The following CLIP2 variants were observed in gnomAD, a reference collection of about 807,000 sequenced individuals.
The protein encoded by CLIP2 is CAP-Gly domain containing linker protein 2.
CLIP2 carries 41 observed loss-of-function variants against 111.7 expected under a neutral mutation model. The observed-to-expected ratio is 0.37, with a 90% CI of 0.29 to 0.48. The LOEUF is 0.48. CLIP2 is among the 20% of genes least tolerant of loss of function. The probability of loss-of-function intolerance (pLI) is 0.99; values close to 1 mark genes in which losing one functional copy is unlikely to be tolerated. For synonymous variants in CLIP2, 660 were observed against 644.2 expected, an observed-to-expected ratio of 1.02 and a Z score of -0.37; for missense variants, 1,160 against 1,422.1, an observed-to-expected ratio of 0.82 and a Z score of 2.96.
intron 2 of CLIP2, among the ~76,000 whole-genome samples, chr7:74,321,280 C>G (rs1788944247): frequency 6.6e-6 from 1 of 152,042 alleles, no homozygotes; most frequent in South Asian, 2.1e-4. Context: ...ATCCTTTAAC[C>G]TTCTCCCTTC....
At chr7:74,351,602 A>AGGAGGGCAGATCACCTGAGGTC (rs1790000227) in intron 3 of CLIP2, among the ~76,000 whole-genome samples, 3 of 151,836 alleles carry the variant, frequency 2.0e-5, no homozygotes, top group Non-Finnish European at 4.4e-5. Context: ...TTGGGAGGCT[A>AGGAGGGCAGATCACCTGAGGTC]AGGAGGGCAG....
intron 1 of CLIP2, among the ~76,000 whole-genome samples, chr7:74,307,822 G>A (rs934294993): frequency 1.3e-4 from 20 of 152,288 alleles, no homozygotes; most frequent in African/African-American, 3.8e-4. Context: ...AGGCTGCTGG[G>A]GGGTGGTTCA....
chr7:74,293,906 C>A (rs1420685000), intron 1 of CLIP2, among the ~76,000 whole-genome samples: 1 of 151,648 alleles, frequency 6.6e-6, no homozygotes, highest in Non-Finnish European at 1.5e-5. Flanking sequence ...CAGCGTGGGA[C>A]TCGGGCTTTT....
rs1790461823 is a variant in CLIP2, at chr7:74,365,898, CG to C, written c.1380+1584del. ...CCTCCCAAGTAGCTAGGACTACAGG[CG>C]TGTGCCACCACACCCAGCTAATTTT... On this transcript the variant is annotated intron_variant, in intron 8 of 16. Transcript: ENST00000223398. Among the ~76,000 whole-genome samples the C allele has an allele frequency of 4.6e-5, 7 of 152,164 alleles. 1 individual carries two copies. Among genetic ancestry groups the C allele is most frequent in the Admixed American group, 4.6e-4 (7 of 15,262 alleles).
chr7:74,352,450 A>G (rs1790031396), intron 3 of CLIP2, among the ~76,000 whole-genome samples: 1 of 151,844 alleles, frequency 6.6e-6, no homozygotes, highest in Admixed American at 6.6e-5. Flanking sequence ...ACAAAAACAA[A>G]AACAAAAAAA....
intron 1 of CLIP2, among the ~76,000 whole-genome samples, chr7:74,309,113 C>A (rs1409077226): frequency 6.6e-6 from 1 of 151,982 alleles, no homozygotes; most frequent in African/African-American, 2.4e-5. Context: ...CAGCAATTCA[C>A]CCACCTCGGC....
At chr7:74,339,886 A>G (rs1317572352) in intron 3 of CLIP2, among the ~76,000 whole-genome samples, 1 of 151,552 alleles carries the variant, frequency 6.6e-6, no homozygotes, top group Non-Finnish European at 1.5e-5. Context: ...CCAGGAGTTC[A>G]AGACCAGCCT....
intron 3 of CLIP2, among the ~76,000 whole-genome samples, chr7:74,351,449 GAATAAAA>G (rs1789995158): frequency 7.7e-6 from 1 of 129,344 alleles, no homozygotes; most frequent in Non-Finnish European, 1.6e-5. Flanking sequence ...AAAAAAAAAA[GAATAAAA>G]CATTTTCAGA....
intron 2 of CLIP2, among the ~76,000 whole-genome samples, chr7:74,329,753 C>T (rs1179166318): frequency 6.8e-6 from 1 of 147,868 alleles, no homozygotes; most frequent in African/African-American, 2.5e-5. Context: ...TGCAAGGTCC[C>T]TCTTGGTTAT....
rs1364845530 is a variant in CLIP2, at chr7:74,376,818, C to T, written c.2417C>T (p.Thr806Ile). Residue 806 changes from threonine (T) to isoleucine (I), a missense_variant, in exon 10 of 17, where the codon ACC becomes ATC. Thr to Ile is a moderately conservative substitution (Grantham distance 89). Around this residue, in one of 5 missense-constraint regions of CLIP2, gnomAD observed 676 missense variants for 777.8 expected, o/e 0.87. Coordinates refer to ENST00000223398, the MANE Select transcript of CLIP2 (RefSeq NM_003388.5). This position sits in a 1 kb window ranked among gnomAD's most constrained non-coding sequence, Gnocchi z 7.1. ...GAGGCCCTGTGCTCCTCCCAGCACA[C>T]CCACGTAGGCGCCTGCCCCTCCTGC... is the stretch of plus-strand genomic sequence containing the variant. ...AVEALCSSQH[T>I]HMIESNDISE... 1.3e-6 allele frequency: 2 copies of T among 1,579,344 alleles called. No individual in the cohort carries two copies. The highest frequency in any genetic ancestry group is 1.7e-6 in the Non-Finnish European group (2 of 1,163,582).
At chr7:74,367,447 C>T (rs1554311032) in intron 8 of CLIP2, among the ~76,000 whole-genome samples, 1 of 152,216 alleles carries the variant, frequency 6.6e-6, no homozygotes, top group Admixed American at 6.5e-5. Context: ...GCCTCAGACT[C>T]CCAGACTGCT....
chr7:74,351,652 A>G (rs1293723914), intron 3 of CLIP2, among the ~76,000 whole-genome samples: 4 of 151,972 alleles, frequency 2.6e-5, no homozygotes, highest in African/African-American at 7.3e-5. Flanking sequence ...CCTGGCCAAC[A>G]TGGCGAAACC....
In CLIP2 at chr7:74,317,633, A is replaced by C; in HGVS notation, c.87A>C (p.Ser29=). The change falls in exon 2 of 17, where the codon TCA becomes TCC. Residue 29 remains serine (S), a synonymous_variant. Transcript: ENST00000223398. The part of the protein sequence containing the change: ...PMGRTSTGSA[S]SSAAVAASSK... ...GCCGGACATCTACTGGGTCAGCTTC[A>C]TCCTCGGCGGCGGTGGCCGCTAGCT... 3.9e-6 allele frequency: 6 copies of C among 1,523,582 alleles called. No homozygotes were observed. Among genetic ancestry groups the C allele is most frequent in the African/African-American group, 2.8e-5 (2 of 71,114 alleles). 94.4% of individuals were successfully genotyped at this position (1,523,582 alleles called of 1,614,324 possible). A position where few individuals can be genotyped will look rare whatever the true frequency, so the allele number is the denominator to read the frequency against.
At chr7:74,383,746 A>C (rs1183225640) in intron 11 of CLIP2, among the ~76,000 whole-genome samples, 11 of 152,144 alleles carry the variant, frequency 7.2e-5, no homozygotes, top group African/African-American at 2.7e-4. Context: ...AGGCCCGGGC[A>C]GGAGAATTGC....
chr7:74,371,449 C>A (rs868958850), intron 8 of CLIP2, among the ~76,000 whole-genome samples: 2 of 141,458 alleles, frequency 1.4e-5, no homozygotes, highest in South Asian at 4.8e-4. Flanking sequence ...TGGGATGGAG[C>A]TTGTGATTTT....
rs141894909 is a variant in CLIP2, at chr7:74,401,375, G to T, written c.3067-130G>T. On this transcript the variant is annotated intron_variant, in intron 15 of 16. Coordinates refer to ENST00000223398, the MANE Select transcript of CLIP2 (RefSeq NM_003388.5). ...AGAGGCTTGGTCTTTGGGGGTGCTG[G>T]GAGCCCCAGGCTGAAGGGGTTGGAA... 3.9e-4 allele frequency: 313 copies of T among 804,060 alleles called. 3 individuals are homozygous for T. The highest frequency in any genetic ancestry group is 3.8e-3 in the African/African-American group (220 of 58,632). The allele number at this position is 804,060 out of a possible 1,614,324, so 49.8% of individuals were successfully genotyped here.
intron 10 of CLIP2, chr7:74,380,242 G>A (rs1271661397): frequency 6.6e-6 from 1 of 152,134 alleles, no homozygotes; most frequent in African/African-American, 2.4e-5. Flanking sequence ...TTTTGTCATA[G>A]TGATGTGTGC....
intron 2 of CLIP2, among the ~76,000 whole-genome samples, chr7:74,324,818 G>GAAAA (rs11318033): frequency 2.1e-5 from 2 of 95,214 alleles, no homozygotes; most frequent in African/African-American, 8.5e-5. Context: ...AAGATCTTGA[G>GAAAA]AAAAAAAAAA....
At chr7:74,393,498 G>A (rs1791354686) in intron 13 of CLIP2, among the ~76,000 whole-genome samples, 3 of 151,812 alleles carry the variant, frequency 2.0e-5, no homozygotes, top group African/African-American at 2.4e-5. Flanking sequence ...CACCATGCCC[G>A]GCTAATTTTG....
Sources: gnomAD v4.1 joint callset for allele counts (sites outside exome capture counted in the v4.1 genomes callset) on GRCh38, gnomAD v4.1.1 for gene constraint, gnomAD v4.1.1 regional missense constraint, Gnocchi (gnomAD v3.1) non-coding constraint, MANE v1.5 for transcripts, NCBI Gene and HGNC (gene_info 2026-07-23, HGNC 2026-07-21) for gene names.